The following CABIN1 variants were observed in gnomAD, a reference collection of about 807,000 sequenced individuals.
CABIN1 encodes calcineurin-binding protein cabin-1.
In CABIN1, 133 loss-of-function variants were observed where a neutral mutation model predicts 227.7. The ratio of observed to expected loss-of-function variants is 0.58; its 90% CI spans 0.51 to 0.67. The LOEUF is 0.67. CABIN1 is among the 30% of genes least tolerant of loss of function. CABIN1 has a pLI of 0.00. For missense variants in CABIN1, 2,408 were observed against 2,852.5 expected, an observed-to-expected ratio of 0.84 and a Z score of 3.55; for synonymous variants, 1,086 against 1,155.1, an observed-to-expected ratio of 0.94 and a Z score of 1.21.
At chr22:24,070,308 T>C (rs1339693995) in intron 16 of CABIN1, among the ~76,000 whole-genome samples, 1 of 152,244 alleles carries the variant, frequency 6.6e-6, no homozygotes, top group African/African-American at 2.4e-5. Context: ...AGGAGGCTGA[T>C]AGAGTGATGA....
intron 1 of CABIN1, among the ~76,000 whole-genome samples, chr22:24,026,307 A>G (rs1460279111): frequency 6.6e-6 from 1 of 152,116 alleles, no homozygotes; most frequent in Non-Finnish European, 1.5e-5. Context: ...GATTTTGATG[A>G]TTATTTTCCT....
At chr22:24,103,830 C>G (rs1196463386) in intron 26 of CABIN1, among the ~76,000 whole-genome samples, 5 of 152,090 alleles carry the variant, frequency 3.3e-5, no homozygotes, top group Non-Finnish European at 5.9e-5. Flanking sequence ...ATGATGGTGC[C>G]TTGATTCCTG....
chr22:24,082,083 C>CTATT (rs1485417323), intron 19 of CABIN1, among the ~76,000 whole-genome samples: 2 of 142,386 alleles, frequency 1.4e-5, no homozygotes, highest in African/African-American at 5.1e-5. Context: ...TTTATTCTCT[C>CTATT]TCTTTTTTTT....
At chr22:24,105,020 A>G (rs1259826116) in intron 26 of CABIN1, among the ~76,000 whole-genome samples, 1 of 152,344 alleles carries the variant, frequency 6.6e-6, no homozygotes, top group East Asian at 1.9e-4. Context: ...GAGACACTGG[A>G]AAGTTGCATC....
intron 27 of CABIN1, among the ~76,000 whole-genome samples, chr22:24,114,607 C>G (rs910609392): frequency 2.0e-5 from 3 of 152,186 alleles, no homozygotes; most frequent in African/African-American, 7.2e-5. Context: ...ACCATTACCC[C>G]ACGCTACCTC....
At chr22:24,073,186 A>G (rs1408721641) in intron 18 of CABIN1, among the ~76,000 whole-genome samples, 1 of 152,214 alleles carries the variant, frequency 6.6e-6, no homozygotes, top group East Asian at 1.9e-4. Flanking sequence ...AAGAAACGAC[A>G]GTACTGCAGC....
chr22:24,146,668 T>A (rs987907808), intron 29 of CABIN1, among the ~76,000 whole-genome samples: 33 of 152,306 alleles, frequency 2.2e-4, no homozygotes, highest in African/African-American at 5.5e-4. Context: ...GTTAGAATTT[T>A]TAAAAAAATA....
chr22:24,128,691 G>A (rs1163374087), intron 28 of CABIN1, among the ~76,000 whole-genome samples: 1 of 152,216 alleles, frequency 6.6e-6, no homozygotes, highest in African/African-American at 2.4e-5. Context: ...TCCTCCATTT[G>A]TCATGGAACC....
Position 24,070,992 on chromosome 22 carries a change from G to A in CABIN1, c.2425G>A (p.Val809Ile). ...GGACAGCAGTGGTAGCATCCTGAAG[G>A]TATCATCCTCCACCACTGGCCTTGT... Reference protein sequence around the residue: ...SADSSGSILKVSSSTTGLVRL... With the variant: ...SADSSGSILKISSSTTGLVRL... The change falls in exon 17 of 37, where the codon GTA becomes ATA. Residue 809 changes from valine (V) to isoleucine (I), a missense_variant. By Grantham distance (29) the Val-to-Ile change is conservative. Around this residue, in one of 3 missense-constraint regions of CABIN1, gnomAD observed 1,045 missense variants for 1,168.4 expected, o/e 0.89. Coordinates refer to ENST00000263119, the MANE Select transcript of CABIN1 (RefSeq NM_012295.4). 1 of 1,614,202 alleles carries A rather than the reference G, an allele frequency of 6.2e-7. No homozygotes were observed.
rs1022403016 is a variant in CABIN1 at position 24,065,751 on chromosome 22, C to T, written c.2038-1236C>T. 2.3e-4 allele frequency among the ~76,000 whole-genome samples: 35 copies of T among 152,382 alleles called. No individual in the cohort carries two copies. In the South Asian group the frequency reaches 3.5e-3, roughly 15 times the overall value. ...GTGAACGAGACTCCGTCTGCAATCC[C>T]GGCACCTCGGGAGGCCGAGGCTGGC... On this transcript the variant is annotated intron_variant, in intron 15 of 36. Coordinates refer to ENST00000263119, the MANE Select transcript of CABIN1 (RefSeq NM_012295.4).
chr22:24,151,828 C>G (rs2045502295), intron 29 of CABIN1, among the ~76,000 whole-genome samples: 1 of 152,196 alleles, frequency 6.6e-6, no homozygotes, highest in African/African-American at 2.4e-5. Flanking sequence ...GCCTACCCAC[C>G]TCTTGCCCTC....
chr22:24,159,620 C>G (rs1442582648), intron 29 of CABIN1, among the ~76,000 whole-genome samples: 2 of 152,184 alleles, frequency 1.3e-5, no homozygotes, highest in Non-Finnish European at 2.9e-5. Context: ...CTCTTCTGCC[C>G]TCTTGCTTGA....
Position 24,176,127 on chromosome 22 carries a change from G to C in CABIN1, c.6057G>C (p.Ala2019=). The C allele has an allele frequency of 6.2e-7, 1 of 1,610,846 alleles. No individual in the cohort carries two copies. Among genetic ancestry groups the C allele is most frequent in the East Asian group, 2.2e-5 (1 of 44,784 alleles). ...ASLGPEGEEL[A]RVAEGTSFPP... Reference sequence around the variant, plus strand: ...TCCCCACAGAGGGAGAAGAGCTGGCGAGAGTGGCAGAGGGCACCAGCTTCC... The same window carrying C: ...TCCCCACAGAGGGAGAAGAGCTGGCCAGAGTGGCAGAGGGCACCAGCTTCC... Residue 2019 remains alanine (A), a synonymous_variant, in exon 35 of 37, where the codon GCG becomes GCC. Transcript: ENST00000263119.
At chr22:24,170,478 C>T (rs2032353084) in intron 33 of CABIN1, among the ~76,000 whole-genome samples, 1 of 152,204 alleles carries the variant, frequency 6.6e-6, no homozygotes, top group South Asian at 2.1e-4. Flanking sequence ...AGCGTGTCTG[C>T]TCACGCTGCC....
intron 8 of CABIN1, among the ~76,000 whole-genome samples, chr22:24,054,431 T>C (rs892043300): frequency 1.3e-5 from 2 of 152,250 alleles, no homozygotes; most frequent in Admixed American, 6.5e-5. Context: ...CAAGTTCTTA[T>C]AGACCATGTC....
At chr22:24,092,011 T>C (rs889852089) in intron 24 of CABIN1, 168 bp downstream of exon 24, 23 of 764,452 alleles carry the variant, frequency 3.0e-5, no homozygotes, top group Non-Finnish European at 3.7e-5. Flanking sequence ...ATTTCCTCTC[T>C]TTTCCCAAGG....
At chr22:24,155,950 G>T (rs1055688267) in intron 29 of CABIN1, 4 of 515,122 alleles carry the variant, frequency 7.8e-6, no homozygotes, top group African/African-American at 2.1e-5. Context: ...GTAGAGTGCC[G>T]GCGCCCCGTC....
At chr22:24,067,229 G>A (rs756003464) in intron 16 of CABIN1, 48 bp downstream of exon 16, 1 of 1,588,802 alleles carries the variant, frequency 6.3e-7, no homozygotes, top group Admixed American at 1.7e-5. Flanking sequence ...TTCTCTCCTT[G>A]CTTGTTTGTG....
At chr22:24,132,554 A>G (rs2044138402) in intron 28 of CABIN1, among the ~76,000 whole-genome samples, 1 of 152,118 alleles carries the variant, frequency 6.6e-6, no homozygotes, top group Admixed American at 6.5e-5. Context: ...GCTGCCAGGC[A>G]TTGCTGGGGA....
Sources: allele counts gnomAD v4.1 joint callset (sites outside exome capture counted in the v4.1 genomes callset), GRCh38; gene constraint gnomAD v4.1.1; regional missense constraint gnomAD v4.1.1; transcripts MANE v1.5; gene names NCBI Gene and HGNC (gene_info 2026-07-23, HGNC 2026-07-21).